The following NBEAL1 variants were observed in gnomAD, a reference collection of about 807,000 sequenced individuals.
NBEAL1 encodes neurobeachin like 1.
A neutral mutation model predicts 351.3 loss-of-function variants in NBEAL1; 273 were observed. The ratio of observed to expected loss-of-function variants is 0.78; its 90% CI spans 0.70 to 0.86. The LOEUF is 0.86. NBEAL1 is among the 40% of genes least tolerant of loss of function. The pLI, the probability that NBEAL1 is intolerant of heterozygous loss-of-function variation, is 0.00. For synonymous variants in NBEAL1, 1,050 were observed against 1,086.4 expected, an observed-to-expected ratio of 0.97 and a Z score of 0.66; for missense variants, 2,961 against 3,201.3, an observed-to-expected ratio of 0.92 and a Z score of 1.81.
chr2:203,180,762 G>A (rs2064688352), intron 43 of NBEAL1, among the ~76,000 whole-genome samples: 1 of 151,942 alleles, frequency 6.6e-6, no homozygotes, highest in Non-Finnish European at 1.5e-5. Context: ...TACTAGGGAA[G>A]CAAAAATGAC....
At chr2:203,215,359 T>A (rs2065879012) in intron 55 of NBEAL1, among the ~76,000 whole-genome samples, 1 of 152,038 alleles carries the variant, frequency 6.6e-6, no homozygotes, top group Admixed American at 6.5e-5. Context: ...AAAAATTAGC[T>A]GGGCCTGGTG....
chr2:203,121,332 T>C (rs2106270681), intron 18 of NBEAL1, among the ~76,000 whole-genome samples: 1 of 152,268 alleles, frequency 6.6e-6, no homozygotes, highest in Non-Finnish European at 1.5e-5. Context: ...TTTCATGTAT[T>C]TGTTTAAAAG....
intron 20 of NBEAL1, 61 bp from the exon 21 acceptor site, chr2:203,125,899 A>C: frequency 1.5e-6 from 2 of 1,368,158 alleles, no homozygotes; most frequent in Non-Finnish European, 1.9e-6. Context: ...TAAGATATAG[A>C]AAATGTGATA....
chr2:203,160,959 G>T (rs1198836537), intron 36 of NBEAL1, among the ~76,000 whole-genome samples: 1 of 152,170 alleles, frequency 6.6e-6, no homozygotes, highest in Non-Finnish European at 1.5e-5. Flanking sequence ...TCAGGAGGCT[G>T]AGGCAAGAGG....
chr2:203,152,733 T>G (rs1218424044), intron 35 of NBEAL1, among the ~76,000 whole-genome samples: 2 of 152,034 alleles, frequency 1.3e-5, no homozygotes, highest in Non-Finnish European at 2.9e-5. Context: ...TACCCCAAAA[T>G]GTTGTTTATC....
chr2:203,204,257 C>A (rs371845579), intron 51 of NBEAL1, among the ~76,000 whole-genome samples: 17 of 147,392 alleles, frequency 1.2e-4, no homozygotes, highest in East Asian at 4.0e-4. Context: ...AAAAAAAAAA[C>A]AACTCCATTT....
intron 14 of NBEAL1, 114 bp from the exon 15 acceptor site, chr2:203,110,036 G>A: frequency 9.8e-7 from 1 of 1,020,710 alleles, no homozygotes; most frequent in Non-Finnish European, 1.4e-6. Flanking sequence ...TAGAATTTAA[G>A]CCACAGAATT....
rs533323895 is a variant in NBEAL1 at position 203,188,012 on chromosome 2, G to C, written c.6706-460G>C. 4.6e-5 allele frequency among the ~76,000 whole-genome samples: 7 copies of C among 152,168 alleles called. No individual in the cohort carries two copies. In the South Asian group the frequency reaches 1.5e-3, roughly 32 times the overall value. ...TACCTGCCACCCTGGCCTCCTCTTA[G>C]TAAGTGGTTATTGTGAGGGAGAGAA... On this transcript the variant is annotated intron_variant, in intron 44 of 55. Coordinates refer to ENST00000683969, the MANE Select transcript of NBEAL1 (RefSeq NM_001378026.1).
rs1445058123 is a variant in NBEAL1, at chr2:203,062,861, C to G, written c.515+5408C>G. 6.6e-6 allele frequency among the ~76,000 whole-genome samples: 1 copy of G among 152,002 alleles called. No homozygotes were observed. The highest frequency in any genetic ancestry group is 1.5e-5 in the Non-Finnish European group (1 of 67,998). ...GAGAAATCCATTGCTCATGGAAGAC[C>G]TATACAAAGGGATCTACAGCAATAA... On this transcript the variant is annotated intron_variant, in intron 6 of 55. Transcript: ENST00000683969. This position sits in a 1 kb window ranked among gnomAD's most constrained non-coding sequence, Gnocchi z 4.2.
In NBEAL1 at chr2:203,068,414, A is replaced by C. The variant is rs1451059154; in HGVS notation, c.537A>C (p.Glu179Asp). The C allele has an allele frequency of 6.5e-7, 1 of 1,547,820 alleles. No homozygotes were observed. Among genetic ancestry groups the C allele is most frequent in the Admixed American group, 2.0e-5 (1 of 50,792 alleles). ...RISGRILSTVEKSRQKYKPAS... is the reference protein window; with the variant it reads ...RISGRILSTVDKSRQKYKPAS... The stretch of plus-strand genomic sequence containing the variant: ...ATAGACGAATCCTTAGTACTGTGGA[A>C]AAGAGCAGACAGAAATATAAACCAG... The change falls in exon 7 of 56, where the codon GAA (glutamate) becomes GAC (aspartate). Residue 179 changes from glutamate (E) to aspartate (D), a missense_variant. Transcript: ENST00000683969.
At chr2:203,097,317 A>G (rs138315665) in intron 10 of NBEAL1, among the ~76,000 whole-genome samples, 35 of 152,314 alleles carry the variant, frequency 2.3e-4, no homozygotes, top group African/African-American at 7.7e-4. Context: ...AATTATTGCC[A>G]TTGTTTCTTA....
chr2:203,089,373 A>G (rs1559357553), intron 10 of NBEAL1, among the ~76,000 whole-genome samples: 1 of 151,856 alleles, frequency 6.6e-6, no homozygotes, highest in Non-Finnish European at 1.5e-5. Flanking sequence ...AAAAAAAAAA[A>G]GATCCCCACT....
intron 36 of NBEAL1, among the ~76,000 whole-genome samples, chr2:203,158,038 A>G (rs935117631): frequency 6.6e-6 from 1 of 152,186 alleles, no homozygotes; most frequent in African/African-American, 2.4e-5. Flanking sequence ...ATTAGAAAAT[A>G]TTTAGAACTG....
chr2:203,174,215 GCAAAA>G (rs2064417929), intron 41 of NBEAL1, among the ~76,000 whole-genome samples: 1 of 7,138 alleles, frequency 1.4e-4, no homozygotes, highest in Non-Finnish European at 2.3e-4. Flanking sequence ...CTTTATACTA[GCAAAA>G]AAAAAAAAAA....
chr2:203,215,687 C>T (rs1033462724), intron 55 of NBEAL1, among the ~76,000 whole-genome samples: 11 of 107,490 alleles, frequency 1.0e-4, no homozygotes, highest in African/African-American at 3.9e-4. Context: ...GACTCCATCT[C>T]AAAAAAAAAA....
At chr2:203,148,257 A>C (rs2063559361) in intron 33 of NBEAL1, among the ~76,000 whole-genome samples, 1 of 152,068 alleles carries the variant, frequency 6.6e-6, no homozygotes, top group African/African-American at 2.4e-5. Context: ...GAGGACACTG[A>C]GCCTCAGAGA....
intron 13 of NBEAL1, 39 bp downstream of exon 13, chr2:203,107,557 A>G (rs1344810778): frequency 4.5e-6 from 7 of 1,541,426 alleles, no homozygotes; most frequent in Non-Finnish European, 2.6e-6. Flanking sequence ...TTCTGTTAAT[A>G]TCCATTTTGA....
At chr2:203,046,932 T>C (rs960775881) in intron 3 of NBEAL1, among the ~76,000 whole-genome samples, 5 of 152,106 alleles carry the variant, frequency 3.3e-5, no homozygotes, top group African/African-American at 1.2e-4. Context: ...GCCAGCACTT[T>C]GGGAGGCCGA....
At chr2:203,121,197 AT>A (rs138726423) in intron 18 of NBEAL1, among the ~76,000 whole-genome samples, 171 of 149,752 alleles carry the variant, frequency 1.1e-3, no homozygotes, top group Non-Finnish European at 1.6e-3. Context: ...TTATATTATG[AT>A]TTTTTTTTTG....
Sources: allele counts gnomAD v4.1 joint callset (sites outside exome capture counted in the v4.1 genomes callset), GRCh38; gene constraint gnomAD v4.1.1; non-coding constraint Gnocchi (gnomAD v3.1); transcripts MANE v1.5; gene names NCBI Gene and HGNC (gene_info 2026-07-23, HGNC 2026-07-21).